Variants in DIS3L2 observed in about 807,000 individuals in gnomAD.
DIS3L2 encodes the protein DIS3 like 3'-5' exoribonuclease 2.
DIS3L2 carries 34 observed loss-of-function variants against 97.5 expected under a neutral mutation model. That is an observed-to-expected ratio of 0.35 (90% CI 0.27 to 0.46). The LOEUF (loss-of-function observed/expected upper bound fraction) is 0.46, where lower values mean the gene tolerates loss of function less well. Ranked by LOEUF, DIS3L2 falls within the 20% of genes least tolerant of loss-of-function variation. The probability of loss-of-function intolerance (pLI) is 1.00; values close to 1 mark genes in which losing one functional copy is unlikely to be tolerated. For synonymous variants in DIS3L2, 435 were observed against 445.2 expected (o/e 0.98, Z 0.29); for missense variants, 1,038 against 1,146.0 (o/e 0.91, Z 1.36).
At chr2:232,104,962 G>C (rs897589425) in intron 6 of DIS3L2, among the ~76,000 whole-genome samples, 1 of 151,984 alleles carries the variant, frequency 6.6e-6, no homozygotes, top group Non-Finnish European at 1.5e-5. Context: ...GGGACTACAG[G>C]TGGCACCACC....
chr2:232,079,515 G>A (rs1433816452), intron 5 of DIS3L2, among the ~76,000 whole-genome samples: 1 of 149,822 alleles, frequency 6.7e-6, no homozygotes, highest in East Asian at 2.0e-4. Flanking sequence ...CAGGAGAATG[G>A]TGTGAACCGG....
chr2:232,010,265 C>T (rs1298570966), intron 1 of DIS3L2, among the ~76,000 whole-genome samples: 1 of 152,016 alleles, frequency 6.6e-6, no homozygotes. Flanking sequence ...CTTTCCCCTG[C>T]CCCCTCCCTT....
At chr2:232,202,019 T>C (rs1186538143) in intron 9 of DIS3L2, among the ~76,000 whole-genome samples, 1 of 152,220 alleles carries the variant, frequency 6.6e-6, no homozygotes, top group African/African-American at 2.4e-5. Flanking sequence ...GTTTAAACCA[T>C]GGCTTTCCTG....
chr2:232,027,425 C>G (rs188725227), intron 4 of DIS3L2, among the ~76,000 whole-genome samples: 8 of 152,246 alleles, frequency 5.3e-5, no homozygotes, highest in Middle Eastern at 3.4e-3. Flanking sequence ...AAAGATGAGG[C>G]TTTTGCTCTG....
At chr2:232,035,832 C>T (rs1385187693) in intron 5 of DIS3L2, among the ~76,000 whole-genome samples, 2 of 152,214 alleles carry the variant, frequency 1.3e-5, no homozygotes, top group African/African-American at 2.4e-5. Flanking sequence ...TTGGCCCTCA[C>T]TCTCTTCTGG....
chr2:232,086,329 A>C (rs918838174), intron 5 of DIS3L2, among the ~76,000 whole-genome samples: 1 of 145,012 alleles, frequency 6.9e-6, no homozygotes, highest in Non-Finnish European at 1.5e-5. Flanking sequence ...ATGCATATGC[A>C]TATGTATATA....
At chr2:232,039,744 G>A (rs1423577499) in intron 5 of DIS3L2, among the ~76,000 whole-genome samples, 3 of 152,222 alleles carry the variant, frequency 2.0e-5, no homozygotes, top group African/African-American at 7.2e-5. Context: ...TTAAGGTACT[G>A]TGAGAGTGAC....
chr2:232,122,533 A>G lies in DIS3L2; in HGVS notation c.602-8086A>G, dbSNP rs182078043. ...GGAGTTCAAGACCAGCCTGACCAAC[A>G]TGGTGAAACCCTGTCTCTACTAAAA... On this transcript the variant is annotated intron_variant, in intron 6 of 20. Transcript: ENST00000325385. Among the ~76,000 whole-genome samples the G allele has an allele frequency of 7.9e-5, 12 of 152,274 alleles. No homozygotes were observed. In the East Asian group the frequency reaches 1.5e-3, roughly 20 times the overall value.
intron 1 of DIS3L2, among the ~76,000 whole-genome samples, chr2:231,964,257 T>C (rs17199740): frequency 0.021 from 3,141 of 152,218 alleles, 96 homozygotes; most frequent in African/African-American, 0.071. Flanking sequence ...TAATTGTACA[T>C]CTTGAACTGA....
At position 232,336,557 on chromosome 2, in the gene DIS3L2, C is replaced by T. The variant is rs778725551; in HGVS notation, c.2585C>T (p.Thr862Ile). The change falls in exon 21 of 21, where the codon ACC becomes ATC. Residue 862 changes from threonine to isoleucine, a missense_variant. Physicochemically the swap from Thr to Ile is moderately conservative, Grantham distance 89. This residue lies in a region of DIS3L2 where 221 missense variants were observed against 246.9 expected (regional missense o/e 0.90). Coordinates refer to ENST00000325385, the MANE Select transcript of DIS3L2 (RefSeq NM_152383.5). ...AGCGCCATCCTGAAGCGGCCAGGCA[C>T]CCAGGGCCACCTGGGCCCTGAGAAG... ...KYSAILKRPG[T>I]QGHLGPEKEE... The T allele has an allele frequency of 3.7e-6, 6 of 1,609,620 alleles. No individual in the cohort carries two copies. Among genetic ancestry groups the T allele is most frequent in the East Asian group, 4.5e-5 (2 of 44,870 alleles).
Position 232,325,556 on chromosome 2 carries a change from C to T in DIS3L2, c.1740-4257C>T, listed in dbSNP as rs565654236. On this transcript the variant is annotated intron_variant, in intron 14 of 20. Coordinates refer to ENST00000325385, the MANE Select transcript of DIS3L2 (RefSeq NM_152383.5). This position sits in a 1 kb window ranked among gnomAD's most constrained non-coding sequence, Gnocchi z 4.6. ...GAGGAGAGGTGCTGGGAGTGAGTGC[C>T]GAGGAGCTGGGGTCCTGGCCCTGCA... Among the ~76,000 whole-genome samples, 17 of 152,216 alleles carry T rather than the reference C, an allele frequency of 1.1e-4. No homozygotes were observed. The East Asian group carries it at 1.2e-3, about 10-fold the overall frequency.
chr2:232,079,041 G>A (rs1233452077), intron 5 of DIS3L2, among the ~76,000 whole-genome samples: 10 of 152,212 alleles, frequency 6.6e-5, no homozygotes, highest in Non-Finnish European at 2.9e-5. Flanking sequence ...GAGTACTACT[G>A]TGTGCCAGGC....
intron 1 of DIS3L2, among the ~76,000 whole-genome samples, chr2:231,996,395 GT>G (rs1224753307): frequency 6.6e-6 from 1 of 152,164 alleles, no homozygotes; most frequent in African/African-American, 2.4e-5. Context: ...TAAAGCTTTT[GT>G]TTATATCTCA....
intron 7 of DIS3L2, among the ~76,000 whole-genome samples, chr2:232,135,603 G>A (rs1472458291): frequency 1.3e-5 from 2 of 152,170 alleles, no homozygotes; most frequent in Non-Finnish European, 1.5e-5. Context: ...ATGAGAAGAC[G>A]GGTGCCCTAA....
rs1314732394 is a variant in DIS3L2 at position 231,988,237 on chromosome 2, G to A, written c.-94+26472G>A. ...CCTTGAGAGTGGTAGTGGTTTTTACGTGGAAAATCTAGAATTTTGGATTGC... is the reference window on the plus strand; with the variant it reads ...CCTTGAGAGTGGTAGTGGTTTTTACATGGAAAATCTAGAATTTTGGATTGC... On this transcript the variant is annotated intron_variant, in intron 1 of 20. Coordinates refer to ENST00000325385, the MANE Select transcript of DIS3L2 (RefSeq NM_152383.5). 1.2e-4 allele frequency among the ~76,000 whole-genome samples: 19 copies of A among 152,174 alleles called. 1 individual carries two copies. Among genetic ancestry groups the A allele is most frequent in the Non-Finnish European group, 5.9e-5 (4 of 68,038 alleles).
At chr2:232,330,651 G>T (rs1575023934) in intron 15 of DIS3L2, 39 bp from the exon 16 acceptor site, 1 of 1,606,924 alleles carries the variant, frequency 6.2e-7, no homozygotes. Flanking sequence ...TGCCCGAGCT[G>T]GACCACACGT....
At chr2:232,133,929 A>G (rs1308759858) in intron 7 of DIS3L2, among the ~76,000 whole-genome samples, 1 of 148,374 alleles carries the variant, frequency 6.7e-6, no homozygotes, top group East Asian at 2.0e-4. Flanking sequence ...CGGAGGTTGT[A>G]GTGAGCTGAA....
At chr2:232,116,774 ATTGAAAACTG>A (rs1448000118) in intron 6 of DIS3L2, among the ~76,000 whole-genome samples, 1 of 152,188 alleles carries the variant, frequency 6.6e-6, no homozygotes, top group Non-Finnish European at 1.5e-5. Context: ...ACATTTTACA[ATTGAAAACTG>A]TCCCTGGTTT....
Position 231,966,171 on chromosome 2 carries a change from C to CCTT in DIS3L2, c.-94+4406_-94+4407insCTT, listed in dbSNP as rs1553593877. On this transcript the variant is annotated intron_variant, in intron 1 of 20. Transcript: ENST00000325385. ...CTTGACCAGAATTCTTCTTCTTCTT[C>CCTT]TTTTTTTTTTTTTTTGAGACAGAGA... Among the ~76,000 whole-genome samples the CCTT allele has an allele frequency of 1.9e-4, 27 of 140,504 alleles. 1 individual carries two copies. The highest frequency in any genetic ancestry group is 6.3e-4 in the African/African-American group (24 of 37,874). The allele number at this position is 140,504 out of a possible 152,430, so 92.2% of individuals were successfully genotyped here.
Sources: gnomAD v4.1 joint callset for allele counts (sites outside exome capture counted in the v4.1 genomes callset) on GRCh38, gnomAD v4.1.1 for gene constraint, gnomAD v4.1.1 regional missense constraint, Gnocchi (gnomAD v3.1) non-coding constraint, MANE v1.5 for transcripts, NCBI Gene and HGNC (gene_info 2026-07-23, HGNC 2026-07-21) for gene names.